The following ARHGAP24 variants were observed in gnomAD, a reference collection of about 807,000 sequenced individuals.
ARHGAP24 encodes the protein rho GTPase-activating protein 24.
A neutral mutation model predicts 76.4 loss-of-function variants in ARHGAP24; 50 were observed. The observed-to-expected ratio is 0.65, with a 90% confidence interval of 0.52 to 0.83. The LOEUF is 0.83. ARHGAP24 is among the 40% of genes least tolerant of loss of function. ARHGAP24 has a pLI of 0.00. For missense variants in ARHGAP24, 930 were observed against 914.2 expected (o/e 1.02, Z -0.22); for synonymous variants, 345 against 323.3 (o/e 1.07, Z -0.72).
chr4:85,704,779 G>T (rs1724244357), intron 2 of ARHGAP24, among the ~76,000 whole-genome samples: 2 of 152,076 alleles, frequency 1.3e-5, no homozygotes. Flanking sequence ...TTGTTTTTAA[G>T]TACTATGTCC....
At chr4:85,663,523 C>G (rs1318736713) in intron 2 of ARHGAP24, among the ~76,000 whole-genome samples, 1 of 148,856 alleles carries the variant, frequency 6.7e-6, no homozygotes, top group East Asian at 1.9e-4. Context: ...CTTCTCCTGC[C>G]TAATTGCCCT....
intron 3 of ARHGAP24, among the ~76,000 whole-genome samples, chr4:85,918,711 A>G (rs1468063390): frequency 6.6e-6 from 1 of 152,254 alleles, no homozygotes; most frequent in East Asian, 1.9e-4. Flanking sequence ...TTTTTAAGAA[A>G]GAAAAATTTA....
chr4:85,562,495 A>C (rs77828246), intron 1 of ARHGAP24, among the ~76,000 whole-genome samples: 2,756 of 152,034 alleles, frequency 0.018, 56 homozygotes, highest in African/African-American at 0.054. Context: ...ACATAGCTAC[A>C]TAATTTTATG....
At chr4:85,917,325 G>A (rs1028265353) in intron 3 of ARHGAP24, among the ~76,000 whole-genome samples, 1 of 152,010 alleles carries the variant, frequency 6.6e-6, no homozygotes, top group South Asian at 2.1e-4. Context: ...TTGAACATCT[G>A]GGTTGGTTCC....
At chr4:85,494,574 G>C (rs540537202) in intron 1 of ARHGAP24, among the ~76,000 whole-genome samples, 1 of 151,620 alleles carries the variant, frequency 6.6e-6, no homozygotes, top group Non-Finnish European at 1.5e-5. Context: ...TCAGCTACCC[G>C]GGAGGCTGAG....
At chr4:85,742,771 T>C (rs1418585920) in intron 3 of ARHGAP24, among the ~76,000 whole-genome samples, 1 of 152,232 alleles carries the variant, frequency 6.6e-6, no homozygotes. Flanking sequence ...AAAATATCAC[T>C]AGCTAGCCTG....
intron 2 of ARHGAP24, among the ~76,000 whole-genome samples, chr4:85,720,806 C>G (rs34863045): frequency 6.6e-6 from 1 of 150,706 alleles, no homozygotes; most frequent in South Asian, 2.1e-4. Context: ...AACAAAGAAA[C>G]AAAGGAAAGA....
chr4:85,807,545 G>C (rs1049904472), intron 3 of ARHGAP24, among the ~76,000 whole-genome samples: 1 of 152,020 alleles, frequency 6.6e-6, no homozygotes, highest in Admixed American at 6.6e-5. Context: ...GTCTTTCCTT[G>C]CCTTATTTTT....
At chr4:85,606,256 G>A (rs1198106560) in intron 2 of ARHGAP24, among the ~76,000 whole-genome samples, 1 of 152,206 alleles carries the variant, frequency 6.6e-6, no homozygotes, top group African/African-American at 2.4e-5. Context: ...GCTCACGCCT[G>A]TAATCCCAGC....
intron 2 of ARHGAP24, among the ~76,000 whole-genome samples, chr4:85,612,677 A>C (rs1720432149): frequency 1.3e-5 from 2 of 151,876 alleles, no homozygotes; most frequent in South Asian, 2.1e-4. Flanking sequence ...CCATATACCC[A>C]CCACTCACAT....
intron 3 of ARHGAP24, chr4:85,722,306 T>C: frequency 3.6e-6 from 1 of 281,316 alleles, no homozygotes; most frequent in Non-Finnish European, 6.9e-6. Flanking sequence ...CAAGGGGTTA[T>C]AGGTTGAATG....
chr4:85,761,991 G>T (rs973561510), intron 3 of ARHGAP24, among the ~76,000 whole-genome samples: 1 of 152,062 alleles, frequency 6.6e-6, no homozygotes, highest in Non-Finnish European at 1.5e-5. Context: ...TTTATGTCTC[G>T]CAGCCTTTAT....
intron 3 of ARHGAP24, among the ~76,000 whole-genome samples, chr4:85,904,966 G>T (rs1371023369): frequency 2.0e-5 from 3 of 152,154 alleles, no homozygotes; most frequent in Admixed American, 6.5e-5. Flanking sequence ...AAATGCGATT[G>T]TTGCCTTTAA....
In ARHGAP24 at chr4:85,721,795, A is replaced by T. The variant is rs1301794927; in HGVS notation, c.181-90A>T. 2.3e-5 allele frequency: 26 copies of T among 1,131,086 alleles called. No individual in the cohort carries two copies. In the Admixed American group the frequency reaches 4.7e-4, roughly 21 times the overall value. The allele number at this position is 1,131,086 out of a possible 1,614,324, so 70.1% of individuals were successfully genotyped here. A position where few individuals can be genotyped will look rare whatever the true frequency, so the allele number is the denominator to read the frequency against. On this transcript the variant is annotated intron_variant, in intron 2 of 9. Coordinates refer to ENST00000395184, the MANE Select transcript of ARHGAP24 (RefSeq NM_001025616.3). ...TGCATCTTACTGTATACTGGGTTAT[A>T]GCTACACCTTGGATATTCACTGATT...
intron 2 of ARHGAP24, among the ~76,000 whole-genome samples, chr4:85,682,530 C>T (rs998411465): frequency 1.3e-5 from 2 of 152,100 alleles, no homozygotes; most frequent in Non-Finnish European, 2.9e-5. Context: ...GACCAAACAG[C>T]ATTGTTTTGG....
intron 3 of ARHGAP24, among the ~76,000 whole-genome samples, chr4:85,850,164 G>A (rs1731138029): frequency 6.6e-6 from 1 of 152,018 alleles, no homozygotes; most frequent in African/African-American, 2.4e-5. Context: ...ACTTCTTCCT[G>A]GTTTAGACTT....
chr4:85,932,532 C>A (rs542893614), intron 4 of ARHGAP24, among the ~76,000 whole-genome samples: 1 of 149,346 alleles, frequency 6.7e-6, no homozygotes, highest in East Asian at 2.0e-4. Context: ...TCCCTTTCTC[C>A]TTAAATACTA....
chr4:85,924,728 G>C (rs777063088), intron 4 of ARHGAP24: 1 of 151,320 alleles, frequency 6.6e-6, no homozygotes, highest in Non-Finnish European at 1.5e-5. Flanking sequence ...CAAAAGCTTA[G>C]TTTTAAAAGT....
intron 3 of ARHGAP24, among the ~76,000 whole-genome samples, chr4:85,740,289 C>G (rs1001440107): frequency 5.3e-5 from 8 of 150,074 alleles, no homozygotes; most frequent in African/African-American, 2.0e-4. Flanking sequence ...GTGCGGTGAT[C>G]TCGGCTCACT....
Sources: allele counts gnomAD v4.1 joint callset (sites outside exome capture counted in the v4.1 genomes callset), GRCh38; gene constraint gnomAD v4.1.1; transcripts MANE v1.5; gene names NCBI Gene and HGNC (gene_info 2026-07-23, HGNC 2026-07-21).